The following WWP2 variants were observed in gnomAD, a reference collection of about 807,000 sequenced individuals.
The protein encoded by WWP2 is WW domain containing E3 ubiquitin protein ligase 2.
WWP2 carries 57 observed loss-of-function variants against 121.0 expected under a neutral mutation model. That is an observed-to-expected ratio of 0.47 (90% CI 0.38 to 0.59). The LOEUF (loss-of-function observed/expected upper bound fraction) is 0.59. Among genes scored for constraint, WWP2 ranks in the 20% least tolerant of loss-of-function variants. The pLI, the probability that WWP2 is intolerant of heterozygous loss-of-function variation, is 0.00. For missense variants in WWP2, 962 were observed against 1,158.9 expected, an observed-to-expected ratio of 0.83 and a Z score of 2.47; for synonymous variants, 449 against 441.3, an observed-to-expected ratio of 1.02 and a Z score of -0.22.
At chr16:69,924,867 C>A in intron 10 of WWP2, 7 of 950,622 alleles carry the variant, frequency 7.4e-6, no homozygotes, top group Non-Finnish European at 8.8e-6. Flanking sequence ...CGCTGCACAC[C>A]CAGATGGGAG....
At position 69,888,309 on chromosome 16, in the gene WWP2, G is replaced by GGGGGT; in HGVS notation, c.914+63_914+67dup. On this transcript the variant is annotated intron_variant, in intron 8 of 23. Coordinates refer to ENST00000359154, the MANE Select transcript of WWP2 (RefSeq NM_001270454.2). ...TCCTCAAAGACTGAGGCTCCTTTAC[G>GGGGGT]GGGGTGGAAACAACGTGGTTATTTA... 5.8e-6 allele frequency: 9 copies of GGGGGT among 1,543,270 alleles called. No individual in the cohort carries two copies. The South Asian group carries it at 1.1e-4, about 18-fold the overall frequency.
At chr16:69,809,886 GA>G (rs1237633389) in intron 4 of WWP2, among the ~76,000 whole-genome samples, 2 of 152,158 alleles carry the variant, frequency 1.3e-5, no homozygotes, top group African/African-American at 4.8e-5. Flanking sequence ...TGAGGGTGTG[GA>G]GTGGGGAAGC....
chr16:69,932,278 C>T (rs555726373), intron 16 of WWP2, among the ~76,000 whole-genome samples: 5 of 152,316 alleles, frequency 3.3e-5, no homozygotes, highest in Admixed American at 2.6e-4. Flanking sequence ...TGCAGTGAGC[C>T]GAGATCGTGC....
intron 10 of WWP2, among the ~76,000 whole-genome samples, chr16:69,918,742 G>A (rs143857846): frequency 1.3e-5 from 2 of 152,192 alleles, no homozygotes; most frequent in African/African-American, 4.8e-5. Context: ...TCCCCTCAGA[G>A]CAGTCTTCAA....
intron 14 of WWP2, 116 bp downstream of exon 14, chr16:69,931,343 C>A: frequency 6.7e-7 from 1 of 1,482,660 alleles, no homozygotes; most frequent in Non-Finnish European, 9.3e-7. Context: ...GCGCAAGACA[C>A]TTGTCTAACC....
intron 1 of WWP2, among the ~76,000 whole-genome samples, chr16:69,766,296 A>G (rs1017544148): frequency 4.1e-4 from 62 of 152,080 alleles, no homozygotes; most frequent in Middle Eastern, 6.3e-3. Flanking sequence ...CCCTGGATGC[A>G]TCTTTCCCCT....
At chr16:69,865,916 A>G (rs1378379728) in intron 6 of WWP2, among the ~76,000 whole-genome samples, 2 of 152,188 alleles carry the variant, frequency 1.3e-5, no homozygotes, top group African/African-American at 4.8e-5. Flanking sequence ...CACAAAAGGG[A>G]AGGCAGCGTG....
intron 4 of WWP2, among the ~76,000 whole-genome samples, chr16:69,830,100 A>G (rs2056768078): frequency 6.6e-6 from 1 of 152,162 alleles, no homozygotes; most frequent in African/African-American, 2.4e-5. Flanking sequence ...GATTACAGGC[A>G]CATGCCACCA....
rs570114604 is a variant in WWP2, at chr16:69,891,200, C to A, written c.914+2951C>A. ...GAGAGTACTATTTCTGCCAGCGATC[C>A]TTCCAGTTCATAGGCCTGCCAGCCC... On this transcript the variant is annotated intron_variant, in intron 8 of 23. Transcript: ENST00000359154. Among the ~76,000 whole-genome samples, 5 of 152,234 alleles carry A rather than the reference C, an allele frequency of 3.3e-5. No homozygotes were observed. The East Asian group carries it at 9.7e-4, about 29-fold the overall frequency.
intron 4 of WWP2, among the ~76,000 whole-genome samples, chr16:69,831,826 C>CT (rs1567691338): frequency 1.4e-5 from 2 of 146,326 alleles, no homozygotes; most frequent in African/African-American, 5.2e-5. Flanking sequence ...AAAAACAAAA[C>CT]CTTTTTTTTT....
In WWP2 at chr16:69,799,267, C is replaced by A; in HGVS notation, c.312C>A (p.Ser104=). The A allele has an allele frequency of 6.2e-7, 1 of 1,614,074 alleles. No individual in the cohort carries two copies. The highest frequency in any genetic ancestry group is 2.2e-5 in the East Asian group (1 of 44,876). The part of the protein sequence containing the change: ...ELLGTASVNL[S]NVLKNNGGKM... ...TAGGCACCGCATCTGTCAACCTCTCCAACGTCTTGAAGAACAATGGGGGCA... is the reference window on the plus strand; with the variant it reads ...TAGGCACCGCATCTGTCAACCTCTCAAACGTCTTGAAGAACAATGGGGGCA... Residue 104 remains serine (S), a synonymous_variant, in exon 4 of 24, where the codon TCC becomes TCA. Coordinates refer to ENST00000359154, the MANE Select transcript of WWP2 (RefSeq NM_001270454.2). This position sits in a 1 kb window ranked among gnomAD's most constrained non-coding sequence, Gnocchi z 4.5.
At chr16:69,896,510 A>G (rs1206091378) in intron 8 of WWP2, among the ~76,000 whole-genome samples, 1 of 152,142 alleles carries the variant, frequency 6.6e-6, no homozygotes, top group Non-Finnish European at 1.5e-5. Flanking sequence ...TTGGCTTCCA[A>G]AGAGAGGGAG....
At chr16:69,912,650 TC>T (rs1597150178) in intron 9 of WWP2, among the ~76,000 whole-genome samples, 1 of 151,828 alleles carries the variant, frequency 6.6e-6, no homozygotes, top group African/African-American at 2.4e-5. Flanking sequence ...TTGGGAACCT[TC>T]TAGTGAAATA....
chr16:69,868,490 T>TGCAC (rs1470987759), intron 6 of WWP2, among the ~76,000 whole-genome samples: 1 of 152,096 alleles, frequency 6.6e-6, no homozygotes, highest in Non-Finnish European at 1.5e-5. Context: ...GGGTTGACAG[T>TGCAC]GCACGTTTTG....
chr16:69,910,368 T>C (rs1210888035), intron 9 of WWP2: 2 of 983,880 alleles, frequency 2.0e-6, no homozygotes, highest in Non-Finnish European at 2.4e-6. Context: ...CTTTGTGTAC[T>C]TTATAACATG....
intron 11 of WWP2, among the ~76,000 whole-genome samples, chr16:69,927,393 C>T (rs57613728): frequency 0.37 from 55,935 of 152,182 alleles, 10,890 homozygotes; most frequent in East Asian, 0.74. Context: ...CAGGACACCT[C>T]GGGTTCAGAT....
chr16:69,798,637 G>T, intron 2 of WWP2, 45 bp from the exon 3 acceptor site: 1 of 1,565,598 alleles, frequency 6.4e-7, no homozygotes, highest in Non-Finnish European at 8.7e-7. Flanking sequence ...GGGCATCTGG[G>T]AGCCCTGGGA....
In WWP2 at chr16:69,925,135, C is replaced by T. The variant is rs891831896; in HGVS notation, c.1180-295C>T. On this transcript the variant is annotated intron_variant, in intron 10 of 23. Transcript: ENST00000359154. The surrounding 1 kb of genome is among the most constrained non-coding windows in gnomAD (Gnocchi z 4.0). ...CCATGCCAGGGCTGCTCCCTGCCTC[C>T]GCCACCCTGGCACACCTTCACCCGC... 106 of 1,155,780 alleles carry T rather than the reference C, an allele frequency of 9.2e-5. No individual in the cohort carries two copies. Among genetic ancestry groups the T allele is most frequent in the Non-Finnish European group, 1.1e-4 (102 of 936,478 alleles). 71.6% of individuals were successfully genotyped at this position (1,155,780 alleles called of 1,614,324 possible).
At chr16:69,852,072 A>T (rs988920699) in intron 6 of WWP2, among the ~76,000 whole-genome samples, 3 of 152,204 alleles carry the variant, frequency 2.0e-5, no homozygotes, top group Non-Finnish European at 4.4e-5. Context: ...TGGTAAAAGT[A>T]TGCTTAGTTT....
Sources: gnomAD v4.1 joint callset for allele counts (sites outside exome capture counted in the v4.1 genomes callset) on GRCh38, gnomAD v4.1.1 for gene constraint, Gnocchi (gnomAD v3.1) non-coding constraint, MANE v1.5 for transcripts, NCBI Gene and HGNC (gene_info 2026-07-23, HGNC 2026-07-21) for gene names.